The following PATL1 variants were observed in gnomAD, a reference collection of about 807,000 sequenced individuals.
The protein encoded by PATL1 is protein PAT1 homolog 1.
PATL1 carries 32 observed loss-of-function variants against 100.6 expected under a neutral mutation model. The ratio of observed to expected loss-of-function variants is 0.32; its 90% CI spans 0.24 to 0.43. The LOEUF is 0.43. Ranked by LOEUF, PATL1 falls within the 20% of genes least tolerant of loss-of-function variation. The pLI is 1.00. For missense variants in PATL1, 747 were observed against 949.9 expected, an observed-to-expected ratio of 0.79 and a Z score of 2.81; for synonymous variants, 332 against 330.0, an observed-to-expected ratio of 1.01 and a Z score of -0.07.
rs1027833662 is a variant in PATL1, at chr11:59,667,222, C to G, written c.16-258G>C. ...ACAGCATTCCATTTCTCTATTTTAT[C>G]AAGAATCCACGAACAGCAGTTCCTC... On this transcript the variant is annotated intron_variant, in intron 1 of 18. Coordinates refer to ENST00000300146, the MANE Select transcript of PATL1 (RefSeq NM_152716.3). 6 of 444,210 alleles carry G rather than the reference C, an allele frequency of 1.4e-5. No homozygotes were observed. The Admixed American group carries it at 3.9e-4, about 29-fold the overall frequency. The allele number at this position is 444,210 out of a possible 1,614,324, so 27.5% of individuals were successfully genotyped here.
chr11:59,662,330 T>C (rs1861637731), intron 2 of PATL1, among the ~76,000 whole-genome samples: 1 of 152,194 alleles, frequency 6.6e-6, no homozygotes, highest in Non-Finnish European at 1.5e-5. Context: ...GGTATTTTCT[T>C]TCCCACCCAA....
intron 15 of PATL1, among the ~76,000 whole-genome samples, chr11:59,645,981 C>T (rs1044324322): frequency 6.6e-6 from 1 of 152,180 alleles, no homozygotes; most frequent in Non-Finnish European, 1.5e-5. Flanking sequence ...GCCAAGCTTT[C>T]CTCCTAGCAG....
intron 2 of PATL1, among the ~76,000 whole-genome samples, chr11:59,660,949 A>T (rs1199306417): frequency 6.6e-6 from 1 of 152,212 alleles, no homozygotes; most frequent in Non-Finnish European, 1.5e-5. Context: ...TACAGCACAG[A>T]TTACAATCTT....
intron 16 of PATL1, among the ~76,000 whole-genome samples, chr11:59,641,035 G>C (rs1861270402): frequency 6.6e-6 from 1 of 152,080 alleles, no homozygotes; most frequent in Non-Finnish European, 1.5e-5. Flanking sequence ...AGCCTGGTAT[G>C]GTGGCGGGCA....
Position 59,668,899 on chromosome 11 carries a change from TGGGGAGGGGGGCAGGGAGCGGGGA to T in PATL1, c.-28_-5del. 7 of 667,678 alleles carry T rather than the reference TGGGGAGGGGGGCAGGGAGCGGGGA, an allele frequency of 1.0e-5. No homozygotes were observed. The highest frequency in any genetic ancestry group is 2.7e-5 in the South Asian group (1 of 36,996). 41.4% of individuals were successfully genotyped at this position (667,678 alleles called of 1,614,324 possible). On this transcript the variant is annotated 5_prime_UTR_variant, in exon 1 of 19. Transcript: ENST00000300146. The stretch of plus-strand genomic sequence containing the variant: ...AGCTCACCTCGTAGCGGAACATTCT[TGGGGAGGGGGGCAGGGAGCGGGGA>T]GGGGAGAGGGGGAGGGAGGGAAGAA...
At chr11:59,642,468 GA>G (rs1478726765) in intron 16 of PATL1, among the ~76,000 whole-genome samples, 1 of 152,156 alleles carries the variant, frequency 6.6e-6, no homozygotes, top group African/African-American at 2.4e-5. Flanking sequence ...AGAACTCCTG[GA>G]AAAGGTCTCA....
At chr11:59,642,072 C>A (rs1445365896) in intron 16 of PATL1, among the ~76,000 whole-genome samples, 1 of 152,152 alleles carries the variant, frequency 6.6e-6, no homozygotes, top group Non-Finnish European at 1.5e-5. Context: ...AGTACCAGGA[C>A]AACTCTATGA....
At chr11:59,648,245 G>A (rs1375934679) in intron 14 of PATL1, among the ~76,000 whole-genome samples, 1 of 148,264 alleles carries the variant, frequency 6.7e-6, no homozygotes, top group African/African-American at 2.5e-5. Context: ...GAGTGCAGTG[G>A]CGCTATCTTG....
At position 59,659,580 on chromosome 11, in the gene PATL1, G is replaced by A. The variant is rs996644646; in HGVS notation, c.128-111C>T. The A allele has an allele frequency of 2.1e-5, 21 of 1,009,210 alleles. No homozygotes were observed. The South Asian group carries it at 3.4e-4, about 16-fold the overall frequency. 62.5% of individuals were successfully genotyped at this position (1,009,210 alleles called of 1,614,324 possible). On this transcript the variant is annotated intron_variant, in intron 2 of 18. Transcript: ENST00000300146. ...AGAGTCTCACTCTGTCGCCCAGGCT[G>A]CAGTGCAGTGGCGTGATCTCGGCTC...
chr11:59,659,173 T>G, intron 3 of PATL1, 79 bp downstream of exon 3: 4 of 1,256,344 alleles, frequency 3.2e-6, no homozygotes. Context: ...TTATAATAGA[T>G]AAAATAAAAT....
intron 8 of PATL1, among the ~76,000 whole-genome samples, chr11:59,654,419 G>A (rs1468818112): frequency 6.7e-6 from 1 of 150,206 alleles, no homozygotes; most frequent in Non-Finnish European, 1.5e-5. Context: ...AGAGGTTGCA[G>A]TGAGCCGAGA....
rs746153736 is a variant in PATL1, at chr11:59,649,480, T to C, written c.1715A>G (p.Lys572Arg). The C allele has an allele frequency of 1.2e-6, 2 of 1,613,894 alleles. No homozygotes were observed. Among genetic ancestry groups the C allele is most frequent in the Non-Finnish European group, 1.7e-6 (2 of 1,179,862 alleles). ...ICSMYDNLRG[K>R]LPGQERPSDD... The stretch of plus-strand genomic sequence containing the variant: ...TGCTTACCTCTCTTGTCCAGGCAAT[T>C]TCCCCCTTAAGTTGTCATACATGCT... The change falls in exon 14 of 19, where the codon AAA becomes AGA. Residue 572 changes from lysine to arginine, a missense_variant. This residue lies in a region of PATL1 where 434 missense variants were observed against 596.1 expected (regional missense o/e 0.73). Transcript: ENST00000300146.
At chr11:59,655,146 C>G (rs1275954981) in intron 8 of PATL1, among the ~76,000 whole-genome samples, 1 of 152,208 alleles carries the variant, frequency 6.6e-6, no homozygotes, top group African/African-American at 2.4e-5. Flanking sequence ...TCTCTTTCCT[C>G]TACTGGTTCT....
In PATL1 at chr11:59,637,572, A is replaced by G. The variant is rs753421082; in HGVS notation, c.*818T>C. On this transcript the variant is annotated 3_prime_UTR_variant, in exon 19 of 19. Coordinates refer to ENST00000300146, the MANE Select transcript of PATL1 (RefSeq NM_152716.3). Reference sequence around the variant, plus strand: ...CGAATGCACTTGAGGGGAAAGGCTCAAGTACCCTGTAGTTGTAGCAGGAAA... The same window carrying G: ...CGAATGCACTTGAGGGGAAAGGCTCGAGTACCCTGTAGTTGTAGCAGGAAA... 1.3e-5 allele frequency: 2 copies of G among 152,784 alleles called. No individual in the cohort carries two copies. Among genetic ancestry groups the G allele is most frequent in the Middle Eastern group, 3.4e-3 (1 of 294 alleles). The allele number at this position is 152,784 out of a possible 1,614,324, so 9.5% of individuals were successfully genotyped here.
Position 59,656,691 on chromosome 11 carries a change from G to A in PATL1, c.622-91C>T, listed in dbSNP as rs1703758104. 6 of 1,111,512 alleles carry A rather than the reference G, an allele frequency of 5.4e-6. No homozygotes were observed. The Admixed American group carries it at 6.2e-5, about 12-fold the overall frequency. 68.9% of individuals were successfully genotyped at this position (1,111,512 alleles called of 1,614,324 possible). A position where few individuals can be genotyped will look rare whatever the true frequency, so the allele number is the denominator to read the frequency against. ...TCCCCTCAAGTACTGGTAGAGACACGAACTCAATGCAAAGCCCTACTTCTA... is the reference window on the plus strand; with the variant it reads ...TCCCCTCAAGTACTGGTAGAGACACAAACTCAATGCAAAGCCCTACTTCTA... On this transcript the variant is annotated intron_variant, in intron 5 of 18. Coordinates refer to ENST00000300146, the MANE Select transcript of PATL1 (RefSeq NM_152716.3).
chr11:59,657,825 TTTTA>T (rs954850400), intron 4 of PATL1, 101 bp from the exon 5 acceptor site: 13 of 889,064 alleles, frequency 1.5e-5, no homozygotes, highest in Non-Finnish European at 1.9e-5. Context: ...TTTTTTAACT[TTTTA>T]TTTATTTTTA....
At chr11:59,668,792 G>A (rs1465603229) in intron 1 of PATL1, 89 bp downstream of exon 1, 2 of 682,394 alleles carry the variant, frequency 2.9e-6, no homozygotes, top group African/African-American at 1.9e-5. Flanking sequence ...CCCCTGCCCC[G>A]CAGGAACACA....
At chr11:59,664,591 T>G (rs1861663330) in intron 2 of PATL1, among the ~76,000 whole-genome samples, 2 of 152,236 alleles carry the variant, frequency 1.3e-5, no homozygotes. Context: ...ATTAACTTTT[T>G]AGAGACAAGG....
chr11:59,656,645 T>C, intron 5 of PATL1, 45 bp from the exon 6 acceptor site: 1 of 1,548,836 alleles, frequency 6.5e-7, no homozygotes, highest in Non-Finnish European at 8.9e-7. Flanking sequence ...TGAAATCAGT[T>C]TTTCTTCCAC....
Sources: allele counts gnomAD v4.1 joint callset (sites outside exome capture counted in the v4.1 genomes callset), GRCh38; gene constraint gnomAD v4.1.1; regional missense constraint gnomAD v4.1.1; transcripts MANE v1.5; gene names NCBI Gene and HGNC (gene_info 2026-07-23, HGNC 2026-07-21).